The following TOR1B variants were observed in gnomAD, a reference collection of about 807,000 sequenced individuals.
TOR1B encodes torsin-1B.
TOR1B carries 14 observed loss-of-function variants against 29.2 expected under a neutral mutation model. The ratio of observed to expected loss-of-function variants is 0.48; its 90% confidence interval spans 0.32 to 0.75. TOR1B has a LOEUF of 0.75. Ranked by LOEUF, TOR1B falls within the 30% of genes least tolerant of loss-of-function variation. TOR1B has a pLI of 0.04. For missense variants in TOR1B, 400 were observed against 433.9 expected, an observed-to-expected ratio of 0.92 and a Z score of 0.69; for synonymous variants, 166 against 179.8, an observed-to-expected ratio of 0.92 and a Z score of 0.62.
In TOR1B at chr9:129,810,344, T is replaced by TTGG. The variant is rs2030778878; in HGVS notation, c.*761_*762insTGG. The stretch of plus-strand genomic sequence containing the variant: ...CTTGATCTGAGCTGACCTGTGTGTG[T>TTGG]GTGTGTGGGGGGGTGGGGCCTTCAC... On this transcript the variant is annotated 3_prime_UTR_variant, in exon 5 of 5. Coordinates refer to ENST00000259339, the MANE Select transcript of TOR1B (RefSeq NM_014506.3). 1 of 900,374 alleles carries TTGG rather than the reference T, an allele frequency of 1.1e-6. No individual in the cohort carries two copies. Among genetic ancestry groups the TTGG allele is most frequent in the Non-Finnish European group, 1.4e-6 (1 of 704,842 alleles). The allele number at this position is 900,374 out of a possible 1,614,324, so 55.8% of individuals were successfully genotyped here. A position where few individuals can be genotyped will look rare whatever the true frequency, so the allele number is the denominator to read the frequency against.
At position 129,804,232 on chromosome 9, in the gene TOR1B, A is replaced by G; in HGVS notation, c.359A>G (p.Gln120Arg). 2 of 1,614,232 alleles carry G rather than the reference A, an allele frequency of 1.2e-6. No homozygotes were observed. The highest frequency in any genetic ancestry group is 3.3e-4 in the Middle Eastern group (2 of 6,062). Residue 120 changes from glutamine (Q) to arginine (R), a missense_variant, in exon 2 of 5, where the codon CAA becomes CGA. By Grantham distance (43) the Gln-to-Arg change is conservative (BLOSUM62 1). Transcript: ENST00000259339. Reference sequence around the variant, plus strand: ...GGCACAGGCAAGAATTTTGTCAGTCAAATTGTGGCTGAAAATCTTCACCCA... The same window carrying G: ...GGCACAGGCAAGAATTTTGTCAGTCGAATTGTGGCTGAAAATCTTCACCCA... ...WAGTGKNFVS[Q>R]IVAENLHPKG...
Position 129,803,866 on chromosome 9 carries a change from C to T in TOR1B, c.200-207C>T, listed in dbSNP as rs80015454. ...CATCTCTGAATGAATGAACATTTAG[C>T]TTCCTTATCAGACCCCGAAGCGTTA... is the stretch of plus-strand genomic sequence containing the variant. On this transcript the variant is annotated intron_variant, in intron 1 of 4. Transcript: ENST00000259339. Among the ~76,000 whole-genome samples the T allele has an allele frequency of 3.9e-5, 6 of 152,334 alleles. No individual in the cohort carries two copies. In the East Asian group the frequency reaches 9.7e-4, roughly 25 times the overall value.
intron 3 of TOR1B, among the ~76,000 whole-genome samples, chr9:129,807,702 C>T (rs1242627218): frequency 3.3e-5 from 5 of 151,960 alleles, no homozygotes; most frequent in South Asian, 2.1e-4. Flanking sequence ...AAAAATTAGC[C>T]GGGCGTGGTG....
chr9:129,805,689 C>G (rs1340816323), intron 2 of TOR1B, among the ~76,000 whole-genome samples: 2 of 152,174 alleles, frequency 1.3e-5, no homozygotes, highest in Non-Finnish European at 2.9e-5. Context: ...TCAGCTTTGC[C>G]TCTGCTCTTT....
chr9:129,805,431 GAAA>G (rs543129884), intron 2 of TOR1B, among the ~76,000 whole-genome samples: 2 of 141,730 alleles, frequency 1.4e-5, no homozygotes, highest in African/African-American at 5.1e-5. Flanking sequence ...CAAAAAAAAA[GAAA>G]AAAAAAAAAG....
At chr9:129,803,836 T>C (rs1225695103) in intron 1 of TOR1B, among the ~76,000 whole-genome samples, 1 of 152,216 alleles carries the variant, frequency 6.6e-6, no homozygotes, top group Non-Finnish European at 1.5e-5. Flanking sequence ...AGTCAAGCGA[T>C]GGTTCATCTC....
At chr9:129,805,973 T>A (rs1458573791) in intron 2 of TOR1B, among the ~76,000 whole-genome samples, 1 of 152,046 alleles carries the variant, frequency 6.6e-6, no homozygotes, top group Non-Finnish European at 1.5e-5. Context: ...ATAAAAAAAT[T>A]AGCCAGGTGT....
At chr9:129,809,193 G>A (rs1644155685) in intron 4 of TOR1B, 149 bp from the exon 5 acceptor site, 2 of 1,513,978 alleles carry the variant, frequency 1.3e-6, no homozygotes, top group Non-Finnish European at 1.8e-6. Flanking sequence ...CAGTGAGTGA[G>A]TGTCCAGCTG....
chr9:129,805,797 C>G (rs2030445441), intron 2 of TOR1B, among the ~76,000 whole-genome samples: 1 of 152,180 alleles, frequency 6.6e-6, no homozygotes, highest in African/African-American at 2.4e-5. Flanking sequence ...TCAAAGGAAG[C>G]CTCAAAGAAC....
chr9:129,808,502 T>C (rs1429874982), intron 3 of TOR1B, among the ~76,000 whole-genome samples: 2 of 147,466 alleles, frequency 1.4e-5, no homozygotes, highest in Non-Finnish European at 3.0e-5. Flanking sequence ...AAAGGAAAAA[T>C]AGACTTAGAG....
Position 129,810,358 on chromosome 9 carries a change from T to C in TOR1B, c.*775T>C, listed in dbSNP as rs878877554. On this transcript the variant is annotated 3_prime_UTR_variant, in exon 5 of 5. Transcript: ENST00000259339. ...ACCTGTGTGTGTGTGTGTGGGGGGG[T>C]GGGGCCTTCACCTAAGACCTCTGCA... is the stretch of plus-strand genomic sequence containing the variant. 7.8e-6 allele frequency: 6 copies of C among 766,978 alleles called. No homozygotes were observed. The Admixed American group carries it at 1.0e-4, about 13-fold the overall frequency. 47.5% of individuals were successfully genotyped at this position (766,978 alleles called of 1,614,324 possible).
At chr9:129,808,719 T>G (rs545984941) in intron 3 of TOR1B, among the ~76,000 whole-genome samples, 186 bp from the exon 4 acceptor site, 133 of 151,776 alleles carry the variant, frequency 8.8e-4, no homozygotes, top group African/African-American at 3.1e-3. Flanking sequence ...GCCTGGCTAA[T>G]TTTTGTGTTT....
chr9:129,805,979 G>C (rs2030455022), intron 2 of TOR1B, among the ~76,000 whole-genome samples: 1 of 152,114 alleles, frequency 6.6e-6, no homozygotes, highest in African/African-American at 2.4e-5. Context: ...AAATTAGCCA[G>C]GTGTAGTGGC....
intron 2 of TOR1B, 145 bp downstream of exon 2, chr9:129,804,483 G>T: frequency 1.0e-6 from 1 of 1,003,426 alleles, no homozygotes. Flanking sequence ...AGTCCAGGTA[G>T]TTACAAAGCT....
At chr9:129,806,441 G>A (rs1156252483) in intron 2 of TOR1B, among the ~76,000 whole-genome samples, 1 of 152,156 alleles carries the variant, frequency 6.6e-6, no homozygotes, top group African/African-American at 2.4e-5. Context: ...TTCATGAAAT[G>A]TCATTGAGTC....
At chr9:129,803,744 GT>G (rs2030304333) in intron 1 of TOR1B, among the ~76,000 whole-genome samples, 1 of 152,250 alleles carries the variant, frequency 6.6e-6, no homozygotes. Context: ...GTTTTCAGAC[GT>G]GCTGCGTCGC....
In TOR1B at chr9:129,803,202, CGAG is replaced by C. The variant is rs771891117; in HGVS notation, c.-7_-5del. The C allele has an allele frequency of 6.8e-7, 1 of 1,461,530 alleles. No individual in the cohort carries two copies. Among genetic ancestry groups the C allele is most frequent in the South Asian group, 1.4e-5 (1 of 71,848 alleles). The allele number at this position is 1,461,530 out of a possible 1,614,324, so 90.5% of individuals were successfully genotyped here. On this transcript the variant is annotated 5_prime_UTR_variant, in exon 1 of 5. Coordinates refer to ENST00000259339, the MANE Select transcript of TOR1B (RefSeq NM_014506.3). ...CTGGCTCAGTGGCTTCTGCGGGCTT[CGAG>C]GAGCGGGATGTTGCGGGCTGGGTGG...
chr9:129,809,557 G>A lies in TOR1B; in HGVS notation c.985G>A (p.Val329Met), dbSNP rs200509345. Residue 329 changes from valine to methionine, a missense_variant, in exon 5 of 5, where the codon GTG becomes ATG. Transcript: ENST00000259339. ...KIYSDKGCKT[V>M]QSRLDFH ...CTACTCAGACAAGGGCTGCAAGACT[G>A]TGCAGTCGCGGCTGGATTTCCACTG... The A allele has an allele frequency of 2.5e-5, 40 of 1,614,200 alleles. No individual in the cohort carries two copies. The highest frequency in any genetic ancestry group is 2.8e-5 in the Non-Finnish European group (33 of 1,180,044).
Position 129,809,003 on chromosome 9 carries a change from T to C in TOR1B, c.740T>C (p.Leu247Pro). ...DIQLKDLEPVLSVGVFNNKHS... is the reference protein window; with the variant it reads ...DIQLKDLEPVPSVGVFNNKHS... ...CAGCTGAAGGACCTGGAACCTGTAC[T>C]GTCTGTCGGAGTCTTCAATAATAAA... Residue 247 changes from leucine (L) to proline (P), a missense_variant, in exon 4 of 5, where the codon CTG (leucine) becomes CCG (proline). By Grantham distance (98) the Leu-to-Pro change is moderately conservative (BLOSUM62 -3). Transcript: ENST00000259339. The C allele has an allele frequency of 6.2e-7, 1 of 1,613,168 alleles. No homozygotes were observed. Among genetic ancestry groups the C allele is most frequent in the East Asian group, 2.2e-5 (1 of 44,880 alleles).
Sources: allele counts gnomAD v4.1 joint callset (sites outside exome capture counted in the v4.1 genomes callset), GRCh38; gene constraint gnomAD v4.1.1; transcripts MANE v1.5; gene names NCBI Gene and HGNC (gene_info 2026-07-23, HGNC 2026-07-21).